Variants in PCDHGA4 observed in about 807,000 individuals in gnomAD.
PCDHGA4 encodes the protein protocadherin gamma-A4.
In PCDHGA4, 38 loss-of-function variants were observed where a neutral mutation model predicts 54.6. The ratio of observed to expected loss-of-function variants is 0.70; its 90% CI spans 0.54 to 0.91. The LOEUF is 0.91. PCDHGA4 is among the 40% of genes least tolerant of loss of function. PCDHGA4 has a pLI of 0.00. For missense variants in PCDHGA4, 1,298 were observed against 1,220.9 expected (o/e 1.06, Z -0.94); for synonymous variants, 511 against 512.9 (o/e 1.00, Z 0.05).
At chr5:141,388,784 T>A in intron 1 of PCDHGA4, 1 of 1,613,942 alleles carries the variant, frequency 6.2e-7, no homozygotes, top group Non-Finnish European at 8.5e-7. Flanking sequence ...GGGAAATTAC[T>A]GTTTTAAATA....
In PCDHGA4 at chr5:141,486,247, C is replaced by T. The variant is rs935513223; in HGVS notation, c.2515-8560C>T. The T allele has an allele frequency of 2.5e-6, 4 of 1,614,014 alleles. No homozygotes were observed. The African/African-American group carries it at 5.3e-5, about 22-fold the overall frequency. On this transcript the variant is annotated intron_variant, in intron 1 of 3. Transcript: ENST00000571252. This position sits in a 1 kb window ranked among gnomAD's most constrained non-coding sequence, Gnocchi z 5.0. Reference sequence around the variant, plus strand: ...TCACAGTGACCTCAGAGCTTGGAACCCTCCCCGAGAGTGCAGAACCTGGCA... The same window carrying T: ...TCACAGTGACCTCAGAGCTTGGAACTCTCCCCGAGAGTGCAGAACCTGGCA...
In PCDHGA4 at chr5:141,494,850, G is replaced by C. The variant is rs2099757124; in HGVS notation, c.2558G>C (p.Arg853Thr). 1.2e-6 allele frequency: 2 copies of C among 1,614,124 alleles called. No individual in the cohort carries two copies. The highest frequency in any genetic ancestry group is 1.7e-6 in the Non-Finnish European group (2 of 1,180,018). Reference protein sequence around the residue: ...NTDWRFSQAQRPGTSGSQNGD... With the variant: ...NTDWRFSQAQTPGTSGSQNGD... ...GACTGGCGTTTCTCTCAGGCCCAGA[G>C]ACCCGGCACCAGCGGGTAGGTGACT... is the stretch of plus-strand genomic sequence containing the variant. The change falls in exon 2 of 4, where the codon AGA becomes ACA. Residue 853 changes from arginine to threonine, a missense_variant. Physicochemically the swap from Arg to Thr is moderately conservative, Grantham distance 71. Transcript: ENST00000571252.
At chr5:141,374,135 A>G (rs564020884) in intron 1 of PCDHGA4, 17 of 1,605,796 alleles carry the variant, frequency 1.1e-5, no homozygotes, top group Non-Finnish European at 1.4e-5. Context: ...CCTGCTCCTC[A>G]CGCTCCTGGG....
At chr5:141,420,651 T>A (rs1357679146) in intron 1 of PCDHGA4, among the ~76,000 whole-genome samples, 1 of 152,274 alleles carries the variant, frequency 6.6e-6, no homozygotes, top group East Asian at 1.9e-4. Flanking sequence ...GTAAGAATTA[T>A]AGTTAGGCAT....
chr5:141,361,276 G>A (rs1242362767), intron 1 of PCDHGA4: 6 of 1,613,950 alleles, frequency 3.7e-6, no homozygotes, highest in East Asian at 2.2e-5. Flanking sequence ...AGAAAATGGA[G>A]AAGTTTACTG....
At chr5:141,443,312 C>T (rs1296976995) in intron 1 of PCDHGA4, among the ~76,000 whole-genome samples, 2 of 115,698 alleles carry the variant, frequency 1.7e-5, no homozygotes, top group Non-Finnish European at 3.3e-5. Flanking sequence ...AAAAACCCAT[C>T]TCTACAAAAA....
At chr5:141,508,841 C>G (rs969875150) in intron 3 of PCDHGA4, among the ~76,000 whole-genome samples, 1 of 152,140 alleles carries the variant, frequency 6.6e-6, no homozygotes, top group Admixed American at 6.5e-5. Flanking sequence ...TCCCCTACCC[C>G]TTCCATTCCC....
At chr5:141,372,433 C>T in intron 1 of PCDHGA4, 1 of 1,614,060 alleles carries the variant, frequency 6.2e-7, no homozygotes, top group Non-Finnish European at 8.5e-7. Flanking sequence ...GACCGCCCCA[C>T]TCCCTCTGAC....
intron 1 of PCDHGA4, chr5:141,409,926 T>G: frequency 6.2e-7 from 1 of 1,613,344 alleles, no homozygotes; most frequent in Non-Finnish European, 8.5e-7. Flanking sequence ...TCCGCGTTCT[T>G]CGATATGGTA....
At chr5:141,460,961 ATGTGTG>A (rs35821115) in intron 1 of PCDHGA4, among the ~76,000 whole-genome samples, 6 of 144,616 alleles carry the variant, frequency 4.1e-5, no homozygotes, top group South Asian at 4.4e-4. Flanking sequence ...GTATATATAT[ATGTGTG>A]TGTGTGTGTG....
In PCDHGA4 at chr5:141,419,493, A is replaced by G. The variant is rs1246204844; in HGVS notation, c.2514+61872A>G. 5.0e-6 allele frequency: 8 copies of G among 1,612,382 alleles called. No individual in the cohort carries two copies. The highest frequency in any genetic ancestry group is 1.7e-4 in the Middle Eastern group (1 of 5,978). On this transcript the variant is annotated intron_variant, in intron 1 of 3. Coordinates refer to ENST00000571252, the MANE Select transcript of PCDHGA4 (RefSeq NM_018917.4). ...CAGGGCTCGCCCGCGCTCAGCGCCA[A>G]TGTGAGCCTGCGCGTGTTGGTGGGC...
Position 141,505,475 on chromosome 5 carries a change from G to A in PCDHGA4, c.2656G>A (p.Ala886Thr), listed in dbSNP as rs769108315. The A allele has an allele frequency of 2.2e-5, 35 of 1,614,098 alleles. No homozygotes were observed. Among genetic ancestry groups the A allele is most frequent in the South Asian group, 5.5e-5 (5 of 91,090 alleles). ...GCTGCAAGCCATGATCTTGGCGTCC[G>A]CCAGTGGTAAGTGGTGTCAGTGTGT... ...EMLQAMILAS[A>T]SEAADGSSTL... The change falls in exon 3 of 4, where the codon GCC becomes ACC. Residue 886 changes from alanine to threonine, a missense_variant. Physicochemically the swap from Ala to Thr is moderately conservative, Grantham distance 58. Transcript: ENST00000571252.
intron 1 of PCDHGA4, among the ~76,000 whole-genome samples, chr5:141,463,911 T>C (rs749224024): frequency 6.6e-6 from 1 of 152,156 alleles, no homozygotes; most frequent in African/African-American, 2.4e-5. Context: ...TAATAATATA[T>C]CCTGGAAATC....
chr5:141,494,671 C>T, intron 1 of PCDHGA4, 136 bp from the exon 2 acceptor site: 1 of 1,532,340 alleles, frequency 6.5e-7, no homozygotes, highest in East Asian at 2.4e-5. Context: ...GAGATGAGTC[C>T]ACCCCTGCCC....
chr5:141,366,149 C>T lies in PCDHGA4; in HGVS notation c.2514+8528C>T, dbSNP rs532159175. The stretch of plus-strand genomic sequence containing the variant: ...AGGCCAGAACGCCTGGCTGTCCTAC[C>T]GCCTGCTTAAGGCCAGCGAGCCAGG... On this transcript the variant is annotated intron_variant, in intron 1 of 3. Transcript: ENST00000571252. 9.9e-6 allele frequency: 16 copies of T among 1,614,042 alleles called. No homozygotes were observed. In the South Asian group the frequency reaches 1.5e-4, roughly 16 times the overall value.
chr5:141,389,873 C>T (rs767569258), intron 1 of PCDHGA4: 2 of 1,614,070 alleles, frequency 1.2e-6, no homozygotes, highest in Admixed American at 1.7e-5. Context: ...TGGTCTTCGC[C>T]GACAGCTTGC....
chr5:141,365,294 C>G, intron 1 of PCDHGA4: 1 of 1,613,974 alleles, frequency 6.2e-7, no homozygotes, highest in Non-Finnish European at 8.5e-7. Context: ...AGTGGTAGCT[C>G]AGGATGGAGG....
At chr5:141,399,256 G>T in intron 1 of PCDHGA4, 3 of 1,613,964 alleles carry the variant, frequency 1.9e-6, no homozygotes, top group Non-Finnish European at 2.5e-6. Flanking sequence ...GGAAAATGGG[G>T]AGGTTAATTG....
At chr5:141,368,314 C>T (rs928484151) in intron 1 of PCDHGA4, among the ~76,000 whole-genome samples, 1 of 152,080 alleles carries the variant, frequency 6.6e-6, no homozygotes, top group Admixed American at 6.6e-5. Context: ...TGTTAAAGAG[C>T]ATTCAAGTAT....
Sources: gnomAD v4.1 joint callset for allele counts (sites outside exome capture counted in the v4.1 genomes callset) on GRCh38, gnomAD v4.1.1 for gene constraint, Gnocchi (gnomAD v3.1) non-coding constraint, MANE v1.5 for transcripts, NCBI Gene and HGNC (gene_info 2026-07-23, HGNC 2026-07-21) for gene names.